Variants in TRIM14 observed in about 807,000 individuals in gnomAD.
TRIM14 encodes the protein tripartite motif-containing protein 14.
A neutral mutation model predicts 44.5 loss-of-function variants in TRIM14; 28 were observed. The ratio of observed to expected loss-of-function variants is 0.63; its 90% CI spans 0.47 to 0.86. TRIM14 has a LOEUF of 0.86. Ranked by LOEUF, TRIM14 falls within the 40% of genes least tolerant of loss-of-function variation. The pLI, the probability that TRIM14 is intolerant of heterozygous loss-of-function variation, is 0.00. For synonymous variants in TRIM14, 299 were observed against 269.2 expected, an observed-to-expected ratio of 1.11 and a Z score of -1.08; for missense variants, 607 against 611.1, an observed-to-expected ratio of 0.99 and a Z score of 0.07.
At chr9:98,041,394 C>T in the TRIM14 span, among the ~76,000 whole-genome samples, 3 of 151,628 alleles carry the variant, frequency 2.0e-5, no homozygotes, top group Non-Finnish European at 2.9e-5. Context: ...CCATGTGGGC[C>T]AGGCTGGTCT....
chr9:98,097,195 A>AAAAC (rs758397192), intron 3 of TRIM14, among the ~76,000 whole-genome samples: 2 of 152,164 alleles, frequency 1.3e-5, no homozygotes, highest in East Asian at 1.9e-4. Context: ...CCCTGTCTCA[A>AAAAC]AAACAAACAA....
Position 98,119,121 on chromosome 9 carries a change from C to A in TRIM14, c.68G>T (p.Arg23Leu), listed in dbSNP as rs749728288. Residue 23 changes from arginine to leucine, a missense_variant, in exon 1 of 6, where the codon CGC becomes CTC. Arg to Leu is a moderately radical substitution (Grantham distance 102, BLOSUM62 -2). Transcript: ENST00000341469. ...RSELVEGCGW[R>L]CPEHGDRVAE... ...CACGCGGTCGCCATGCTCCGGGCAGCGCCAGCCGCATCCCTCGACAAGCTC... is the reference window on the plus strand; with the variant it reads ...CACGCGGTCGCCATGCTCCGGGCAGAGCCAGCCGCATCCCTCGACAAGCTC... 1.9e-6 allele frequency: 3 copies of A among 1,586,984 alleles called. No individual in the cohort carries two copies. Among genetic ancestry groups the A allele is most frequent in the Admixed American group, 3.4e-5 (2 of 59,232 alleles).
the TRIM14 span, among the ~76,000 whole-genome samples, chr9:98,042,827 G>A: frequency 1.3e-5 from 2 of 149,694 alleles, no homozygotes; most frequent in Admixed American, 6.7e-5. Context: ...CCGAGATCAC[G>A]CCACTGCACT....
intron 2 of TRIM14, among the ~76,000 whole-genome samples, chr9:98,103,249 T>C (rs1345326970): frequency 6.8e-6 from 1 of 147,714 alleles, no homozygotes; most frequent in Non-Finnish European, 1.5e-5. Context: ...GGGAAAGTTC[T>C]CCAGAAAAAA....
At chr9:98,094,002 C>CA (rs1250481012) in intron 4 of TRIM14, among the ~76,000 whole-genome samples, 102 of 152,294 alleles carry the variant, frequency 6.7e-4, no homozygotes, top group African/African-American at 2.4e-3. Context: ...CCTCGGCCTC[C>CA]CAAAGTGCTG....
At chr9:98,099,474 AGAC>A (rs1454535867) in intron 3 of TRIM14, among the ~76,000 whole-genome samples, 4 of 150,738 alleles carry the variant, frequency 2.7e-5, no homozygotes, top group Non-Finnish European at 5.9e-5. Flanking sequence ...AAAAAAAAAA[AGAC>A]TGTACAGTCA....
intron 3 of TRIM14, 27 bp downstream of exon 3, chr9:98,099,904 C>T (rs1826326156): frequency 6.3e-7 from 1 of 1,594,284 alleles, no homozygotes; most frequent in South Asian, 1.1e-5. Context: ...CAGGTGGCAG[C>T]AGTAAGAGCA....
At chr9:98,060,765 C>T in the TRIM14 span, 10 of 1,612,512 alleles carry the variant, frequency 6.2e-6, no homozygotes, top group Non-Finnish European at 8.5e-6. Context: ...TGAAAGATGT[C>T]CTAATGTGTG....
chr9:98,049,971 A>G, the TRIM14 span, among the ~76,000 whole-genome samples: 1 of 152,238 alleles, frequency 6.6e-6, no homozygotes, highest in African/African-American at 2.4e-5. Context: ...CAGGGTAGGC[A>G]TAGAGACTCC....
At chr9:98,067,725 CT>C (rs377486473), downstream of TRIM14, among the ~76,000 whole-genome samples, 307 of 148,152 alleles carry the variant, frequency 2.1e-3, no homozygotes, top group African/African-American at 7.0e-3. Flanking sequence ...TTTTCACTTT[CT>C]TTTTTTTTTG....
chr9:98,118,842 T>C, intron 1 of TRIM14, 140 bp downstream of exon 1: 2 of 1,038,486 alleles, frequency 1.9e-6, no homozygotes, highest in Non-Finnish European at 2.6e-6. Flanking sequence ...GTCGACCGCT[T>C]AGACGCCCTC....
At chr9:98,059,047 G>A in the TRIM14 span, among the ~76,000 whole-genome samples, 20 of 151,566 alleles carry the variant, frequency 1.3e-4, no homozygotes, top group African/African-American at 2.9e-4. Flanking sequence ...TTTTCAAGAC[G>A]GAGTCTCGCT....
chr9:98,081,042 C>G, downstream of TRIM14: 4 of 1,614,126 alleles, frequency 2.5e-6, no homozygotes, highest in Non-Finnish European at 3.4e-6. Flanking sequence ...GGCTCCCCAA[C>G]CAAGCAGCTG....
intron 3 of TRIM14, among the ~76,000 whole-genome samples, chr9:98,099,138 G>A (rs903748175): frequency 1.3e-5 from 2 of 152,072 alleles, no homozygotes; most frequent in Non-Finnish European, 2.9e-5. Context: ...TGCCTTTTCA[G>A]GTGGGGTGTC....
In TRIM14 at chr9:98,100,121, G is replaced by C. The variant is rs1249448168; in HGVS notation, c.347C>G (p.Thr116Ser). The stretch of plus-strand genomic sequence containing the variant: ...TTCGTCAAGTAGTAATCTGAGTTCA[G>C]TGAATTTCCCCTTCAGCCAGGTTTT... ...SSKTWLKGKF[T>S]ELRLLLDEEE... The change falls in exon 3 of 6, where the codon ACT becomes AGT. Residue 116 changes from threonine (T) to serine (S), a missense_variant. Thr to Ser is a moderately conservative substitution (Grantham distance 58). Coordinates refer to ENST00000341469, the MANE Select transcript of TRIM14 (RefSeq NM_014788.4). The C allele has an allele frequency of 6.2e-7, 1 of 1,614,070 alleles. No homozygotes were observed. Among genetic ancestry groups the C allele is most frequent in the Non-Finnish European group, 8.5e-7 (1 of 1,180,050 alleles).
intron 1 of TRIM14, among the ~76,000 whole-genome samples, chr9:98,116,456 A>C (rs1827056401): frequency 6.6e-6 from 1 of 152,170 alleles, no homozygotes; most frequent in South Asian, 2.1e-4. Context: ...CCTTGAGAAG[A>C]GAATAATTCA....
At chr9:98,116,029 A>C (rs1827039358) in intron 1 of TRIM14, 1 of 151,486 alleles carries the variant, frequency 6.6e-6, no homozygotes, top group Non-Finnish European at 1.5e-5. Flanking sequence ...GAATAAAATA[A>C]AATACAATAA....
At chr9:98,066,126 A>G (rs1323801339), downstream of TRIM14, among the ~76,000 whole-genome samples, 1 of 152,124 alleles carries the variant, frequency 6.6e-6, no homozygotes, top group Non-Finnish European at 1.5e-5. Context: ...GACCATACCT[A>G]GTGTTGAATC....
At chr9:98,096,243 C>T (rs1163095611) in intron 3 of TRIM14, among the ~76,000 whole-genome samples, 2 of 152,142 alleles carry the variant, frequency 1.3e-5, no homozygotes, top group Non-Finnish European at 2.9e-5. Flanking sequence ...GGCCTGCAAG[C>T]CCCATTCAGC....
Sources: gnomAD v4.1 joint callset for allele counts (sites outside exome capture counted in the v4.1 genomes callset) on GRCh38, gnomAD v4.1.1 for gene constraint, MANE v1.5 for transcripts, NCBI Gene and HGNC (gene_info 2026-07-23, HGNC 2026-07-21) for gene names.